The following DCDC2C variants were observed in gnomAD, a reference collection of about 807,000 sequenced individuals.
DCDC2C encodes the protein doublecortin domain containing 2C.
In DCDC2C, 44 loss-of-function variants were observed where a neutral mutation model predicts 45.0. That is an observed-to-expected ratio of 0.98 (90% CI 0.77 to 1.26). The LOEUF (loss-of-function observed/expected upper bound fraction) is 1.26. Ranked by LOEUF, DCDC2C falls within the 50% of genes most tolerant of loss-of-function variation. DCDC2C has a pLI of 0.00. For synonymous variants in DCDC2C, 187 were observed against 178.8 expected, an observed-to-expected ratio of 1.05 and a Z score of -0.37; for missense variants, 447 against 468.9, an observed-to-expected ratio of 0.95 and a Z score of 0.43.
intron 10 of DCDC2C, chr2:3,788,462 C>G (rs1670712686): frequency 1.3e-5 from 2 of 152,056 alleles, no homozygotes; most frequent in Admixed American, 1.3e-4. Context: ...CGACAGGATG[C>G]CGTAGTGACA....
intron 4 of DCDC2C, among the ~76,000 whole-genome samples, chr2:3,751,024 A>G (rs1402391291): frequency 1.3e-5 from 2 of 151,680 alleles, no homozygotes; most frequent in African/African-American, 4.8e-5. Context: ...CTTTCTTTCC[A>G]CGACTTGTGT....
chr2:3,826,902 C>G (rs117940184), intron 10 of DCDC2C, among the ~76,000 whole-genome samples: 1 of 152,022 alleles, frequency 6.6e-6, no homozygotes, highest in Non-Finnish European at 1.5e-5. Context: ...TCCCTCTCTC[C>G]GTCCCTCCAT....
chr2:3,725,123 C>G (rs1668604632), intron 2 of DCDC2C, among the ~76,000 whole-genome samples: 1 of 152,088 alleles, frequency 6.6e-6, no homozygotes, highest in Non-Finnish European at 1.5e-5. Flanking sequence ...ACCATGGTGT[C>G]TATGCTGGGA....
intron 3 of DCDC2C, among the ~76,000 whole-genome samples, chr2:3,737,996 CAG>C (rs755785618): frequency 6.6e-6 from 1 of 152,184 alleles, no homozygotes; most frequent in East Asian, 1.9e-4. Context: ...TCTTATTTAA[CAG>C]AGTGACTCAT....
intron 10 of DCDC2C, among the ~76,000 whole-genome samples, chr2:3,830,381 G>A (rs1394845401): frequency 6.6e-6 from 1 of 152,036 alleles, no homozygotes; most frequent in African/African-American, 2.4e-5. Context: ...ACTGCAGTGT[G>A]GTGCAGAGGA....
intron 10 of DCDC2C, among the ~76,000 whole-genome samples, chr2:3,793,980 A>G (rs1464678218): frequency 1.3e-5 from 2 of 152,224 alleles, no homozygotes; most frequent in Non-Finnish European, 2.9e-5. Context: ...ATAATTGTGG[A>G]TATTCTTTGG....
At chr2:3,782,630 C>T (rs1670546002) in intron 9 of DCDC2C, among the ~76,000 whole-genome samples, 1 of 152,104 alleles carries the variant, frequency 6.6e-6, no homozygotes, top group South Asian at 2.1e-4. Flanking sequence ...AGGCACCTGC[C>T]ACCACACCTG....
chr2:3,703,720 C>G lies in DCDC2C; in HGVS notation c.-32C>G. The G allele has an allele frequency of 8.1e-7, 1 of 1,227,344 alleles. No homozygotes were observed. The highest frequency in any genetic ancestry group is 1.0e-6 in the Non-Finnish European group (1 of 984,866). 76.0% of individuals were successfully genotyped at this position (1,227,344 alleles called of 1,614,324 possible). Reference sequence around the variant, plus strand: ...CGCTGCCCGCGCTGCCGCAGCCTCTCGGCCCCGGCGAGCGAGGAGCGGGGC... The same window carrying G: ...CGCTGCCCGCGCTGCCGCAGCCTCTGGGCCCCGGCGAGCGAGGAGCGGGGC... On this transcript the variant is annotated 5_prime_UTR_variant, in exon 1 of 11. Coordinates refer to ENST00000399143, the MANE Select transcript of DCDC2C (RefSeq NM_001287444.2). This position sits in a 1 kb window ranked among gnomAD's most constrained non-coding sequence, Gnocchi z 4.4.
intron 10 of DCDC2C, among the ~76,000 whole-genome samples, chr2:3,841,700 G>A (rs1290232730): frequency 6.6e-6 from 1 of 152,220 alleles, no homozygotes; most frequent in Non-Finnish European, 1.5e-5. Context: ...AGGTGCAGGA[G>A]GGCGCTAAGT....
intron 4 of DCDC2C, among the ~76,000 whole-genome samples, chr2:3,751,516 C>A (rs970653056): frequency 6.6e-6 from 1 of 152,226 alleles, no homozygotes; most frequent in African/African-American, 2.4e-5. Context: ...GGAGAAGCAG[C>A]AGCTTGTCAG....
At chr2:3,842,937 A>G (rs763956437) in intron 10 of DCDC2C, among the ~76,000 whole-genome samples, 7 of 152,174 alleles carry the variant, frequency 4.6e-5, no homozygotes, top group Non-Finnish European at 1.0e-4. Context: ...GGCCCCGTTT[A>G]GCTGTTCTCT....
intron 2 of DCDC2C, among the ~76,000 whole-genome samples, chr2:3,725,080 C>A (rs895083044): frequency 6.6e-6 from 1 of 152,124 alleles, no homozygotes; most frequent in Non-Finnish European, 1.5e-5. Flanking sequence ...AGGCCCCCGA[C>A]CTTCTGGGGG....
chr2:3,716,926 G>A (rs1375145401), intron 2 of DCDC2C, among the ~76,000 whole-genome samples: 1 of 152,094 alleles, frequency 6.6e-6, no homozygotes, highest in Non-Finnish European at 1.5e-5. Context: ...ACCATATTTT[G>A]TTTACCCATC....
At chr2:3,708,481 A>G in intron 1 of DCDC2C, 68 bp from the exon 2 acceptor site, 4 of 1,271,278 alleles carry the variant, frequency 3.1e-6, no homozygotes, top group Non-Finnish European at 4.3e-6. Context: ...ACTCGTTTCT[A>G]AGGAGTCTGG....
chr2:3,784,681 T>C (rs1285061326), intron 9 of DCDC2C, among the ~76,000 whole-genome samples: 1 of 152,146 alleles, frequency 6.6e-6, no homozygotes, highest in African/African-American at 2.4e-5. Flanking sequence ...TGGAATACAA[T>C]ACAGCTGTGA....
chr2:3,785,593 C>T (rs925071998), intron 10 of DCDC2C, among the ~76,000 whole-genome samples: 1 of 152,050 alleles, frequency 6.6e-6, no homozygotes, highest in Admixed American at 6.5e-5. Flanking sequence ...TGTAGCTGGG[C>T]CGGGAACCAC....
At chr2:3,759,517 G>T (rs1050235043) in intron 6 of DCDC2C, among the ~76,000 whole-genome samples, 1 of 152,092 alleles carries the variant, frequency 6.6e-6, no homozygotes, top group Non-Finnish European at 1.5e-5. Flanking sequence ...GTAGCACCTC[G>T]AGATGACTGT....
intron 2 of DCDC2C, among the ~76,000 whole-genome samples, chr2:3,713,987 C>A (rs1558559340): frequency 1.3e-5 from 2 of 152,128 alleles, no homozygotes; most frequent in Non-Finnish European, 2.9e-5. Flanking sequence ...AAGCTTTTGC[C>A]AAGTCCAAAA....
chr2:3,732,689 T>A (rs1029399759), intron 3 of DCDC2C, among the ~76,000 whole-genome samples: 7 of 152,170 alleles, frequency 4.6e-5, no homozygotes, highest in African/African-American at 1.7e-4. Flanking sequence ...TGTCTGAGGA[T>A]GTCAGACTGT....
Sources: gnomAD v4.1 joint callset for allele counts (sites outside exome capture counted in the v4.1 genomes callset) on GRCh38, gnomAD v4.1.1 for gene constraint, Gnocchi (gnomAD v3.1) non-coding constraint, MANE v1.5 for transcripts, NCBI Gene and HGNC (gene_info 2026-07-23, HGNC 2026-07-21) for gene names.